Variants in WWOX observed in about 807,000 individuals in gnomAD.
WWOX encodes WW domain containing oxidoreductase, also known as WW domain-containing oxidoreductase.
A neutral mutation model predicts 46.2 loss-of-function variants in WWOX; 69 were observed. The ratio of observed to expected loss-of-function variants is 1.49; its 90% CI spans 1.23 to 1.82. The LOEUF is 1.82. WWOX is among the 40% of genes most tolerant of loss of function. The pLI, the probability that WWOX is intolerant of heterozygous loss-of-function variation, is 0.00. For missense variants in WWOX, 919 were observed against 542.6 expected (o/e 1.69, Z -6.89); for synonymous variants, 359 against 202.6 (o/e 1.77, Z -6.56).
chr16:79,199,208 G>C (rs942688157), intron 8 of WWOX, among the ~76,000 whole-genome samples: 1 of 152,152 alleles, frequency 6.6e-6, no homozygotes, highest in Admixed American at 6.5e-5. Context: ...GACTACAGGT[G>C]TGCGCCACCA....
At chr16:78,442,494 G>A (rs1251665277) in intron 8 of WWOX, among the ~76,000 whole-genome samples, 1 of 151,874 alleles carries the variant, frequency 6.6e-6, no homozygotes, top group Non-Finnish European at 1.5e-5. Context: ...TCTACTCTCT[G>A]CTTCTGTGAG....
intron 8 of WWOX, among the ~76,000 whole-genome samples, chr16:78,757,405 C>A (rs2049679781): frequency 1.3e-5 from 2 of 152,170 alleles, no homozygotes; most frequent in African/African-American, 4.8e-5. Context: ...GTACATAGGA[C>A]ACTGTCTGTT....
chr16:78,866,432 C>A (rs377435010), intron 8 of WWOX, among the ~76,000 whole-genome samples: 3 of 134,570 alleles, frequency 2.2e-5, no homozygotes, highest in African/African-American at 6.0e-5. Context: ...CAAGACATCC[C>A]GTGCTATTTT....
chr16:78,890,445 A>T (rs1249035836), intron 8 of WWOX: 1 of 151,464 alleles, frequency 6.6e-6, no homozygotes, highest in African/African-American at 2.4e-5. Flanking sequence ...GCCTTCTGAG[A>T]CTGTTCCCCC....
chr16:78,207,098 T>G (rs1230827552), intron 5 of WWOX, among the ~76,000 whole-genome samples: 1 of 152,218 alleles, frequency 6.6e-6, no homozygotes, highest in Non-Finnish European at 1.5e-5. Flanking sequence ...AATTCTACAT[T>G]GTCTACTGGT....
At chr16:78,969,834 G>A (rs575265786) in intron 8 of WWOX, among the ~76,000 whole-genome samples, 1 of 152,278 alleles carries the variant, frequency 6.6e-6, no homozygotes, top group Admixed American at 6.5e-5. Flanking sequence ...GGTTGCCAGG[G>A]GCTGGGGATG....
At chr16:78,152,707 A>G (rs1049544452) in intron 4 of WWOX, among the ~76,000 whole-genome samples, 4 of 152,216 alleles carry the variant, frequency 2.6e-5, no homozygotes, top group African/African-American at 7.2e-5. Flanking sequence ...CACCCAGCAC[A>G]GTGGCAGCAC....
intron 8 of WWOX, among the ~76,000 whole-genome samples, chr16:78,686,030 A>C (rs1311214171): frequency 1.3e-5 from 2 of 152,196 alleles, no homozygotes; most frequent in Non-Finnish European, 2.9e-5. Flanking sequence ...AAAGGAAGAA[A>C]TAAAGAGAAT....
chr16:78,178,592 G>A (rs1010412786), intron 5 of WWOX, among the ~76,000 whole-genome samples: 2 of 152,294 alleles, frequency 1.3e-5, no homozygotes, highest in South Asian at 2.1e-4. Flanking sequence ...CAGGCCAGGT[G>A]CGGTGGCTCA....
intron 8 of WWOX, among the ~76,000 whole-genome samples, chr16:79,117,862 G>A (rs73576965): frequency 0.041 from 6,241 of 152,242 alleles, 157 homozygotes; most frequent in East Asian, 0.062. Flanking sequence ...TAGAGAGTGA[G>A]GGCCTTGCTC....
chr16:78,912,432 C>A (rs889635766), intron 8 of WWOX, among the ~76,000 whole-genome samples: 6 of 151,864 alleles, frequency 4.0e-5, no homozygotes, highest in Non-Finnish European at 7.4e-5. Flanking sequence ...TAGTAGATGG[C>A]AGCTCAAGGG....
chr16:78,805,133 G>C (rs2050995664), intron 8 of WWOX, among the ~76,000 whole-genome samples: 1 of 141,310 alleles, frequency 7.1e-6, no homozygotes, highest in Non-Finnish European at 1.5e-5. Context: ...CAAAATTTAA[G>C]GACTAGATTG....
intron 8 of WWOX, among the ~76,000 whole-genome samples, chr16:79,044,713 G>T (rs1405551154): frequency 6.6e-6 from 1 of 152,168 alleles, no homozygotes; most frequent in Non-Finnish European, 1.5e-5. Context: ...CTAATACATG[G>T]TCTCTGAGCA....
chr16:78,498,933 A>G (rs184834473), intron 8 of WWOX, among the ~76,000 whole-genome samples: 1 of 152,346 alleles, frequency 6.6e-6, no homozygotes, highest in East Asian at 1.9e-4. Flanking sequence ...TTGAGAGATA[A>G]GCACAATAAT....
chr16:78,472,542 C>T (rs535147460), intron 8 of WWOX, among the ~76,000 whole-genome samples: 1 of 152,122 alleles, frequency 6.6e-6, no homozygotes, highest in Non-Finnish European at 1.5e-5. Context: ...GGCACAGTGG[C>T]TCACGCCTGT....
intron 8 of WWOX, among the ~76,000 whole-genome samples, chr16:78,673,500 G>C (rs1048206608): frequency 1.3e-5 from 2 of 152,304 alleles, no homozygotes; most frequent in Non-Finnish European, 2.9e-5. Context: ...GAAACTCACA[G>C]ACTAGTTACA....
chr16:78,916,109 G>A (rs115571774), intron 8 of WWOX, among the ~76,000 whole-genome samples: 1 of 152,162 alleles, frequency 6.6e-6, no homozygotes, highest in South Asian at 2.1e-4. Flanking sequence ...TCCCAGCACA[G>A]TGTACTCCCG....
At chr16:79,189,465 G>GTGTT (rs2051087186) in intron 8 of WWOX, among the ~76,000 whole-genome samples, 4 of 147,148 alleles carry the variant, frequency 2.7e-5, no homozygotes, top group African/African-American at 1.1e-4. Flanking sequence ...GTGTGTGTGT[G>GTGTT]TGTGTGTGTG....
At chr16:78,812,311 T>G (rs571496399) in intron 8 of WWOX, among the ~76,000 whole-genome samples, 36 of 152,272 alleles carry the variant, frequency 2.4e-4, no homozygotes, top group African/African-American at 8.4e-4. Context: ...GGCCATCTCT[T>G]GGTGCCATTG....
Sources: gnomAD v4.1 joint callset for allele counts (sites outside exome capture counted in the v4.1 genomes callset) on GRCh38, gnomAD v4.1.1 for gene constraint, MANE v1.5 for transcripts, NCBI Gene and HGNC (gene_info 2026-07-23, HGNC 2026-07-21) for gene names.